The following HBZ variants were observed in gnomAD, a reference collection of about 807,000 sequenced individuals.
HBZ encodes the protein hemoglobin subunit zeta.
HBZ carries 2 observed loss-of-function variants against 5.8 expected under a neutral mutation model. That is an observed-to-expected ratio of 0.34 (90% confidence interval 0.14 to 1.09). The LOEUF (loss-of-function observed/expected upper bound fraction) is 1.09. HBZ is among the 50% of genes least tolerant of loss of function. The pLI is 0.42. For synonymous variants in HBZ, 39 were observed against 47.4 expected, an observed-to-expected ratio of 0.82 and a Z score of 0.73; for missense variants, 47 against 97.8, an observed-to-expected ratio of 0.48 and a Z score of 2.19.
Position 152,888 on chromosome 16 carries a change from T to C in HBZ, c.-22T>C, listed in dbSNP as rs753902087. On this transcript the variant is annotated 5_prime_UTR_variant, in exon 1 of 3. Transcript: ENST00000252951. Reference sequence around the variant, plus strand: ...CAGTCCTGAGCAGGCCCAACTCCAGTGCAGCTGCCCACCCTGCCGCCATGT... The same window carrying C: ...CAGTCCTGAGCAGGCCCAACTCCAGCGCAGCTGCCCACCCTGCCGCCATGT... 1 of 1,611,480 alleles carries C rather than the reference T, an allele frequency of 6.2e-7. No homozygotes were observed. Among genetic ancestry groups the C allele is most frequent in the East Asian group, 2.2e-5 (1 of 44,834 alleles).
At position 154,263 on chromosome 16, in the gene HBZ, C is replaced by G. The variant is rs1901675914; in HGVS notation, c.301-9C>G. The G allele has an allele frequency of 3.8e-6, 3 of 781,764 alleles. No individual in the cohort carries two copies. The highest frequency in any genetic ancestry group is 5.2e-6 in the Non-Finnish European group (3 of 573,208). 48.4% of individuals were successfully genotyped at this position (781,764 alleles called of 1,614,324 possible). A position where few individuals can be genotyped will look rare whatever the true frequency, so the allele number is the denominator to read the frequency against. On this transcript the variant is annotated splice_polypyrimidine_tract_variant and intron_variant, in intron 2 of 2. Coordinates refer to ENST00000252951, the MANE Select transcript of HBZ (RefSeq NM_005332.3). ...CCCCGCCCCCTCACTGAGCCGCCCCCGCCCCCAGCTCCTGTCCCACTGCCT... is the reference window on the plus strand; with the variant it reads ...CCCCGCCCCCTCACTGAGCCGCCCCGGCCCCCAGCTCCTGTCCCACTGCCT...
chr16:154,159 CGGGGCGGGGCGGGGAGGGGCGGGGA>C (rs1596559117), intron 2 of HBZ, 63 bp downstream of exon 2: 11 of 48,602 alleles, frequency 2.3e-4, no homozygotes, highest in East Asian at 1.6e-3. Context: ...CGGGGCGGGG[CGGGGCGGGGCGGGGAGGGGCGGGGA>C]GGGGCGGGGT....
intron 1 of HBZ, 58 bp downstream of exon 1, chr16:153,062 G>A (rs58593220): frequency 2.0e-5 from 18 of 880,068 alleles, no homozygotes; most frequent in Non-Finnish European, 3.0e-5. Context: ...ATGTGAGTGG[G>A]GACAGTGGGG....
chr16:152,774 C>T lies in HBZ; in HGVS notation c.-136C>T. On this transcript the variant is annotated 5_prime_UTR_variant, in exon 1 of 3. Transcript: ENST00000252951. Reference sequence around the variant, plus strand: ...GATAAGAAACACCACCCCTGCAGCCCCCTCCCCTCACCTGACCAATGGCCA... The same window carrying T: ...GATAAGAAACACCACCCCTGCAGCCTCCTCCCCTCACCTGACCAATGGCCA... 6.9e-7 allele frequency: 1 copy of T among 1,443,504 alleles called. No homozygotes were observed. Among genetic ancestry groups the T allele is most frequent in the South Asian group, 1.3e-5 (1 of 76,166 alleles). The allele number at this position is 1,443,504 out of a possible 1,614,324, so 89.4% of individuals were successfully genotyped here.
rs1353916424 is a variant in HBZ, at chr16:152,932, G to T, written c.23G>T (p.Arg8Met). Residue 8 changes from arginine to methionine, a missense_variant, in exon 1 of 3, where the codon AGG (arginine) becomes ATG (methionine). Physicochemically the swap from Arg to Met is moderately conservative, Grantham distance 91. This residue lies in a region of HBZ where 29 missense variants were observed against 39.7 expected (regional missense o/e 0.73). Transcript: ENST00000252951. ...GCCATGTCTCTGACCAAGACTGAGA[G>T]GACCATCATTGTGTCCATGTGGGCC... is the stretch of plus-strand genomic sequence containing the variant. The part of the protein sequence containing the change: MSLTKTE[R>M]TIIVSMWAKI... 2 of 1,612,702 alleles carry T rather than the reference G, an allele frequency of 1.2e-6. No individual in the cohort carries two copies. The highest frequency in any genetic ancestry group is 2.7e-5 in the African/African-American group (2 of 74,918).
rs1567157755 is a variant in HBZ, at chr16:152,965, C to G, written c.56C>G (p.Ser19Cys). 6.2e-7 allele frequency: 1 copy of G among 1,610,446 alleles called. No individual in the cohort carries two copies. The highest frequency in any genetic ancestry group is 8.5e-7 in the Non-Finnish European group (1 of 1,178,716). The change falls in exon 1 of 3, where the codon TCC (serine) becomes TGC (cysteine). Residue 19 changes from serine to cysteine, a missense_variant. This residue lies in a region of HBZ where 29 missense variants were observed against 39.7 expected (regional missense o/e 0.73). Coordinates refer to ENST00000252951, the MANE Select transcript of HBZ (RefSeq NM_005332.3). The stretch of plus-strand genomic sequence containing the variant: ...ATTGTGTCCATGTGGGCCAAGATCT[C>G]CACGCAGGCCGACACCATCGGCACC... ...TIIVSMWAKISTQADTIGTET... is the reference protein window; with the variant it reads ...TIIVSMWAKICTQADTIGTET...
rs1567158062 is a variant in HBZ, at chr16:154,152, G to GCGGGGCGGT, written c.300+56_300+57insCGGGGCGGT. On this transcript the variant is annotated intron_variant, in intron 2 of 2. Transcript: ENST00000252951. Reference sequence around the variant, plus strand: ...ACGGGGCGGGGCGCGGTGCGGGCGGGGCGGGGCGGGGCGGGGCGGGGAGGG... The same window carrying GCGGGGCGGT: ...ACGGGGCGGGGCGCGGTGCGGGCGGGCGGGGCGGTGCGGGGCGGGGCGGGGCGGGGAGGG... The GCGGGGCGGT allele has an allele frequency of 6.2e-5, 3 of 48,318 alleles. No homozygotes were observed. The African/African-American group carries it at 8.5e-4, about 14-fold the overall frequency. The allele number at this position is 48,318 out of a possible 1,614,324, so 3.0% of individuals were successfully genotyped here. A position where few individuals can be genotyped will look rare whatever the true frequency, so the allele number is the denominator to read the frequency against.
chr16:153,499 C>G (rs1261112603), intron 1 of HBZ, among the ~76,000 whole-genome samples: 1 of 79,474 alleles, frequency 1.3e-5, no homozygotes, highest in Non-Finnish European at 2.8e-5. Flanking sequence ...TTTTCCTTCC[C>G]TGGAACGCTG....
At chr16:153,152 T>TAAGGAGGGGACCATGGGGAG in intron 1 of HBZ, 148 bp downstream of exon 1, 1 of 530,928 alleles carries the variant, frequency 1.9e-6, no homozygotes, top group Non-Finnish European at 3.2e-6. Context: ...GAGAGGACAG[T>TAAGGAGGGGACCATGGGGAG]GAGGAGGGGA....
Position 152,663 on chromosome 16 carries a change from C to A in HBZ, c.-247C>A. On this transcript the variant is annotated 5_prime_UTR_variant, in exon 1 of 3. It adds an upstream start codon to the 5' untranslated region. Transcript: ENST00000252951. ...GTGGTCAGACTCTGGCCAACACCCC[C>A]TGTAAGGCCACAGGAGAGGAACAGG... is the stretch of plus-strand genomic sequence containing the variant. 1.6e-6 allele frequency: 1 copy of A among 634,638 alleles called. No homozygotes were observed. The highest frequency in any genetic ancestry group is 2.6e-6 in the Non-Finnish European group (1 of 386,132). 39.3% of individuals were successfully genotyped at this position (634,638 alleles called of 1,614,324 possible).
At chr16:153,259 G>A (rs1386403752) in intron 1 of HBZ, among the ~76,000 whole-genome samples, 1 of 151,624 alleles carries the variant, frequency 6.6e-6, no homozygotes, top group Admixed American at 6.6e-5. Context: ...GAGGAGAGCA[G>A]GGTAAGGAGG....
In HBZ at chr16:153,412, G is replaced by A. The variant is rs867538889; in HGVS notation, c.95+408G>A. On this transcript the variant is annotated intron_variant, in intron 1 of 2. Coordinates refer to ENST00000252951, the MANE Select transcript of HBZ (RefSeq NM_005332.3). Reference sequence around the variant, plus strand: ...CAGCCAGGGCACTACAGCCTCTAAAGTCCCAGCATCTGGGATCAGGGCACT... The same window carrying A: ...CAGCCAGGGCACTACAGCCTCTAAAATCCCAGCATCTGGGATCAGGGCACT... Among the ~76,000 whole-genome samples the A allele has an allele frequency of 6.3e-3, 813 of 129,234 alleles. 8 individuals are homozygous for A. Among genetic ancestry groups the A allele is most frequent in the African/African-American group, 0.022 (780 of 35,978 alleles). 84.8% of individuals were successfully genotyped at this position (129,234 alleles called of 152,430 possible).
chr16:153,059 T>C, intron 1 of HBZ, 55 bp downstream of exon 1: 2 of 200,370 alleles, frequency 1.0e-5, no homozygotes, highest in South Asian at 6.9e-5. Flanking sequence ...GGTATGTGAG[T>C]GGGGACAGTG....
Position 154,437 on chromosome 16 carries a change from C to T in HBZ, c.*37C>T. The T allele has an allele frequency of 1.4e-6, 2 of 1,384,254 alleles. No individual in the cohort carries two copies. Among genetic ancestry groups the T allele is most frequent in the Non-Finnish European group, 1.9e-6 (2 of 1,039,842 alleles). The allele number at this position is 1,384,254 out of a possible 1,614,324, so 85.7% of individuals were successfully genotyped here. A position where few individuals can be genotyped will look rare whatever the true frequency, so the allele number is the denominator to read the frequency against. ...GGGACCCCCAGGACAGGCTGCGGCC[C>T]CTCCCCCGTCCTGGAGGTTCCCCAG... On this transcript the variant is annotated 3_prime_UTR_variant, in exon 3 of 3. Coordinates refer to ENST00000252951, the MANE Select transcript of HBZ (RefSeq NM_005332.3).
At chr16:153,467 C>T (rs1200389997) in intron 1 of HBZ, among the ~76,000 whole-genome samples, 2 of 103,858 alleles carry the variant, frequency 1.9e-5, no homozygotes, top group South Asian at 3.8e-4. Flanking sequence ...AGCATCTGAT[C>T]CCCTGGGAGG....
At chr16:153,028 G>A (rs754951015) in intron 1 of HBZ, 24 bp downstream of exon 1, 5 of 1,578,296 alleles carry the variant, frequency 3.2e-6, no homozygotes, top group Non-Finnish European at 2.6e-6. Flanking sequence ...GGGACTGCCA[G>A]AGGGACTGGG....
rs772024920 is a variant in HBZ at position 153,044 on chromosome 16, G to A, written c.95+40G>A. The A allele has an allele frequency of 4.2e-6, 6 of 1,441,644 alleles. No homozygotes were observed. The Middle Eastern group carries it at 6.6e-4, about 159-fold the overall frequency. The allele number at this position is 1,441,644 out of a possible 1,614,324, so 89.3% of individuals were successfully genotyped here. On this transcript the variant is annotated intron_variant, in intron 1 of 2. Transcript: ENST00000252951. Reference sequence around the variant, plus strand: ...GGACTGCCAGAGGGACTGGGTGGGAGGCCAGGTATGTGAGTGGGGACAGTG... The same window carrying A: ...GGACTGCCAGAGGGACTGGGTGGGAAGCCAGGTATGTGAGTGGGGACAGTG...
chr16:154,433 G>C lies in HBZ; in HGVS notation c.*33G>C. 1 of 1,417,652 alleles carries C rather than the reference G, an allele frequency of 7.1e-7. No individual in the cohort carries two copies. The highest frequency in any genetic ancestry group is 9.4e-7 in the Non-Finnish European group (1 of 1,061,772). The allele number at this position is 1,417,652 out of a possible 1,614,324, so 87.8% of individuals were successfully genotyped here. ...CTCCGGGACCCCCAGGACAGGCTGCGGCCCCTCCCCCGTCCTGGAGGTTCC... is the reference window on the plus strand; with the variant it reads ...CTCCGGGACCCCCAGGACAGGCTGCCGCCCCTCCCCCGTCCTGGAGGTTCC... On this transcript the variant is annotated 3_prime_UTR_variant, in exon 3 of 3. Coordinates refer to ENST00000252951, the MANE Select transcript of HBZ (RefSeq NM_005332.3).
intron 2 of HBZ, 31 bp downstream of exon 2, chr16:154,127 A>AGGGG (rs1901663606): frequency 8.3e-5 from 3 of 36,350 alleles, no homozygotes; most frequent in African/African-American, 7.0e-4. Context: ...GCGGGGCGGG[A>AGGGG]CGGGGCGGGG....
Sources: gnomAD v4.1 joint callset for allele counts (sites outside exome capture counted in the v4.1 genomes callset) on GRCh38, gnomAD v4.1.1 for gene constraint, gnomAD v4.1.1 regional missense constraint, MANE v1.5 for transcripts, NCBI Gene and HGNC (gene_info 2026-07-23, HGNC 2026-07-21) for gene names.